PPP4R2: variants seen among roughly 807,000 people sequenced by gnomAD.
The protein encoded by PPP4R2 is protein phosphatase 4 regulatory subunit 2.
A neutral mutation model predicts 47.2 loss-of-function variants in PPP4R2; 13 were observed. The ratio of observed to expected loss-of-function variants is 0.28; its 90% CI spans 0.18 to 0.44. The LOEUF is 0.44. Ranked by LOEUF, PPP4R2 falls within the 20% of genes least tolerant of loss-of-function variation. PPP4R2 has a pLI of 1.00. For missense variants in PPP4R2, 421 were observed against 491.2 expected, an observed-to-expected ratio of 0.86 and a Z score of 1.35; for synonymous variants, 151 against 163.3, an observed-to-expected ratio of 0.92 and a Z score of 0.57.
intron 2 of PPP4R2, among the ~76,000 whole-genome samples, chr3:73,003,300 C>T (rs1457871953): frequency 6.6e-6 from 1 of 151,776 alleles, no homozygotes. Context: ...CAACCTCTGC[C>T]TCTTGGGTTC....
chr3:73,062,218 C>T (rs1198266461), intron 5 of PPP4R2: 1 of 1,592,642 alleles, frequency 6.3e-7, no homozygotes, highest in Non-Finnish European at 8.5e-7. Flanking sequence ...AACCAATTTT[C>T]CACAATGTCT....
chr3:73,044,443 G>C (rs1000139143), intron 2 of PPP4R2, among the ~76,000 whole-genome samples: 1 of 152,062 alleles, frequency 6.6e-6, no homozygotes, highest in African/African-American at 2.4e-5. Flanking sequence ...AAAGTTAGCT[G>C]GACGTAGTGG....
At chr3:72,998,317 TA>T (rs1701392396) in intron 2 of PPP4R2, among the ~76,000 whole-genome samples, 159 bp downstream of exon 2, 1 of 152,254 alleles carries the variant, frequency 6.6e-6, no homozygotes, top group Non-Finnish European at 1.5e-5. Flanking sequence ...TTAAAGAACG[TA>T]TACGCTTACT....
At chr3:73,035,624 TC>T (rs1702247720) in intron 2 of PPP4R2, among the ~76,000 whole-genome samples, 1 of 151,832 alleles carries the variant, frequency 6.6e-6, no homozygotes, top group African/African-American at 2.4e-5. Flanking sequence ...ACCTGCACTT[TC>T]TTTTTTTTTC....
chr3:73,029,328 A>G (rs1702126392), intron 2 of PPP4R2, among the ~76,000 whole-genome samples: 1 of 152,226 alleles, frequency 6.6e-6, no homozygotes, highest in South Asian at 2.1e-4. Flanking sequence ...CTGAAAATAT[A>G]TTTGAGGTAA....
chr3:73,041,491 C>T (rs1702378563), intron 2 of PPP4R2, among the ~76,000 whole-genome samples: 1 of 152,198 alleles, frequency 6.6e-6, no homozygotes, highest in African/African-American at 2.4e-5. Context: ...TTTAAGTCAT[C>T]TGATTGAAAT....
chr3:73,046,565 G>A (rs2107309192), intron 2 of PPP4R2, among the ~76,000 whole-genome samples: 1 of 152,284 alleles, frequency 6.6e-6, no homozygotes, highest in Non-Finnish European at 1.5e-5. Flanking sequence ...ATGAATAGAT[G>A]TGAAAAGTAC....
At chr3:73,005,255 T>C (rs541672550) in intron 2 of PPP4R2, among the ~76,000 whole-genome samples, 2 of 152,140 alleles carry the variant, frequency 1.3e-5, no homozygotes, top group African/African-American at 4.8e-5. Flanking sequence ...TACAGTGGTT[T>C]TTATAGACTA....
At chr3:73,050,661 A>G (rs1702592634) in intron 3 of PPP4R2, among the ~76,000 whole-genome samples, 1 of 152,216 alleles carries the variant, frequency 6.6e-6, no homozygotes, top group Non-Finnish European at 1.5e-5. Flanking sequence ...ATCATGCTAT[A>G]TGCTAGTGGT....
intron 3 of PPP4R2, among the ~76,000 whole-genome samples, chr3:73,048,339 G>A (rs1303430067): frequency 2.0e-5 from 3 of 152,110 alleles, no homozygotes; most frequent in Non-Finnish European, 4.4e-5. Flanking sequence ...CGCAACCTCC[G>A]CCTGCCAGGT....
intron 2 of PPP4R2, among the ~76,000 whole-genome samples, chr3:73,006,524 G>A (rs1164343824): frequency 6.6e-6 from 1 of 152,114 alleles, no homozygotes; most frequent in Non-Finnish European, 1.5e-5. Flanking sequence ...GAGCACTCTC[G>A]TTGGTTTTGT....
At chr3:73,065,266 C>A in intron 8 of PPP4R2, 125 bp downstream of exon 8, 1 of 1,294,756 alleles carries the variant, frequency 7.7e-7, no homozygotes, top group Non-Finnish European at 1.0e-6. Context: ...GCTTTTCTCC[C>A]ACCTGTATGT....
intron 2 of PPP4R2, among the ~76,000 whole-genome samples, chr3:73,007,123 T>C (rs1413779160): frequency 6.6e-6 from 1 of 152,220 alleles, no homozygotes; most frequent in Non-Finnish European, 1.5e-5. Flanking sequence ...GTTAAGTCAC[T>C]TCCCTCATTT....
At chr3:73,017,872 C>A (rs562268236) in intron 2 of PPP4R2, among the ~76,000 whole-genome samples, 105 of 152,056 alleles carry the variant, frequency 6.9e-4, no homozygotes, top group African/African-American at 2.5e-3. Flanking sequence ...GGATTACAGG[C>A]GACCACCACC....
chr3:73,034,235 CT>C (rs1257758140), intron 2 of PPP4R2, among the ~76,000 whole-genome samples: 6 of 152,054 alleles, frequency 3.9e-5, no homozygotes, highest in Non-Finnish European at 8.8e-5. Flanking sequence ...TTATAAATGT[CT>C]TTAAACAATG....
At chr3:73,023,270 A>G (rs369420887) in intron 2 of PPP4R2, among the ~76,000 whole-genome samples, 2 of 142,576 alleles carry the variant, frequency 1.4e-5, no homozygotes, top group African/African-American at 5.4e-5. Flanking sequence ...GCTCACTGCA[A>G]CCTCTGCCTC....
chr3:73,005,751 G>T (rs553609062), intron 2 of PPP4R2, among the ~76,000 whole-genome samples: 40 of 149,670 alleles, frequency 2.7e-4, no homozygotes, highest in African/African-American at 9.5e-4. Context: ...AGAATCACCT[G>T]ATCCCGGGAG....
intron 2 of PPP4R2, among the ~76,000 whole-genome samples, chr3:73,005,945 A>G (rs929027212): frequency 2.6e-5 from 4 of 152,172 alleles, no homozygotes; most frequent in Admixed American, 2.0e-4. Context: ...AACCATCACA[A>G]CAATCAAGAT....
intron 2 of PPP4R2, among the ~76,000 whole-genome samples, chr3:73,010,985 A>G (rs1201820481): frequency 6.6e-6 from 1 of 151,482 alleles, no homozygotes. Flanking sequence ...GAGGCTGTTG[A>G]GTCTTAGAAG....
Sources: allele counts gnomAD v4.1 joint callset (sites outside exome capture counted in the v4.1 genomes callset), GRCh38; gene constraint gnomAD v4.1.1; transcripts MANE v1.5; gene names NCBI Gene and HGNC (gene_info 2026-07-23, HGNC 2026-07-21).